TCF3: variants seen among roughly 807,000 people sequenced by gnomAD.
TCF3 encodes the protein transcription factor E2-alpha.
A neutral mutation model predicts 72.3 loss-of-function variants in TCF3; 54 were observed. That is an observed-to-expected ratio of 0.75 (90% CI 0.60 to 0.94). The LOEUF (loss-of-function observed/expected upper bound fraction) is 0.94, where lower values mean the gene tolerates loss of function less well. Ranked by LOEUF, TCF3 falls within the 40% of genes least tolerant of loss-of-function variation. The probability of loss-of-function intolerance (pLI) is 0.00; values close to 1 mark genes in which losing one functional copy is unlikely to be tolerated. For synonymous variants in TCF3, 525 were observed against 412.6 expected, an observed-to-expected ratio of 1.27 and a Z score of -3.30; for missense variants, 1,078 against 934.4, an observed-to-expected ratio of 1.15 and a Z score of -2.00.
At chr19:1,633,598 A>G (rs185137563) in intron 3 of TCF3, among the ~76,000 whole-genome samples, 6 of 152,312 alleles carry the variant, frequency 3.9e-5, no homozygotes, top group Admixed American at 2.0e-4. Flanking sequence ...AATTATGCAT[A>G]TTAATCTCCA....
chr19:1,630,009 A>G (rs754603029), intron 5 of TCF3, among the ~76,000 whole-genome samples: 3 of 152,078 alleles, frequency 2.0e-5, no homozygotes, highest in Non-Finnish European at 2.9e-5. Flanking sequence ...GTTATGGCAA[A>G]AGCCCCCCGT....
At chr19:1,643,924 C>A (rs1312998273) in intron 3 of TCF3, among the ~76,000 whole-genome samples, 1 of 152,172 alleles carries the variant, frequency 6.6e-6, no homozygotes, top group Non-Finnish European at 1.5e-5. Context: ...GGCTGGGGTA[C>A]CCCATCAGCC....
intron 3 of TCF3, among the ~76,000 whole-genome samples, chr19:1,634,437 G>A (rs1203857697): frequency 1.3e-5 from 2 of 152,214 alleles, no homozygotes; most frequent in South Asian, 2.1e-4. Flanking sequence ...GCGAGTGGAC[G>A]GCGCAGGGGC....
At position 1,648,372 on chromosome 19, in the gene TCF3, G is replaced by A. The variant is rs566572207; in HGVS notation, c.72+1805C>T. On this transcript the variant is annotated intron_variant, in intron 2 of 18. Transcript: ENST00000262965. Reference sequence around the variant, plus strand: ...AGCCCGAGGGGGGACGCCCGGAGAGGACGGGCACCTCGCCGCTCCCAGCCT... The same window carrying A: ...AGCCCGAGGGGGGACGCCCGGAGAGAACGGGCACCTCGCCGCTCCCAGCCT... Among the ~76,000 whole-genome samples the A allele has an allele frequency of 6.6e-5, 10 of 152,290 alleles. No individual in the cohort carries two copies. The East Asian group carries it at 1.9e-3, about 29-fold the overall frequency.
chr19:1,630,910 C>A (rs1235027246), intron 5 of TCF3, among the ~76,000 whole-genome samples: 1 of 152,222 alleles, frequency 6.6e-6, no homozygotes, highest in Non-Finnish European at 1.5e-5. Flanking sequence ...CTGTGTCACC[C>A]GCAGGAGGGA....
Position 1,619,200 on chromosome 19 carries a change from C to T in TCF3, c.1361G>A (p.Gly454Asp), listed in dbSNP as rs766026519. 7.4e-5 allele frequency: 119 copies of T among 1,599,166 alleles called. No homozygotes were observed. In the East Asian group the frequency reaches 2.5e-3, roughly 33 times the overall value. Residue 454 changes from glycine to aspartate, a missense_variant, in exon 16 of 19, where the codon GGC becomes GAC. Gly to Asp is a moderately conservative substitution (Grantham distance 94, BLOSUM62 -1). Coordinates refer to ENST00000262965, the MANE Select transcript of TCF3 (RefSeq NM_003200.5). The part of the protein sequence containing the change: ...GGSHPEDGLA[G>D]STSLMHNHAA... ...GTGGTTGTGCATGAGGCTGGTGCTGCCTGCGAGGCCGTCCTCGGGGTGGCT... is the reference window on the plus strand; with the variant it reads ...GTGGTTGTGCATGAGGCTGGTGCTGTCTGCGAGGCCGTCCTCGGGGTGGCT...
rs937129633 is a variant in TCF3, at chr19:1,614,513, C to T, written c.1822+772G>A. Among the ~76,000 whole-genome samples the T allele has an allele frequency of 6.6e-6, 1 of 151,914 alleles. No individual in the cohort carries two copies. The highest frequency in any genetic ancestry group is 1.5e-5 in the Non-Finnish European group (1 of 67,946). ...ACAGCAGAGAGGCGGGCTTGGGGGG[C>T]GCGAGGCGTGCCACACACGGCTGCA... On this transcript the variant is annotated intron_variant, in intron 18 of 18. Transcript: ENST00000262965. This position sits in a 1 kb window ranked among gnomAD's most constrained non-coding sequence, Gnocchi z 5.6.
intron 1 of TCF3, chr19:1,651,265 A>G: frequency 4.4e-6 from 1 of 227,952 alleles, no homozygotes; most frequent in Non-Finnish European, 8.7e-6. Context: ...GGACGGGGGC[A>G]GCCCGGGAGA....
intron 3 of TCF3, among the ~76,000 whole-genome samples, chr19:1,642,950 C>T (rs532871899): frequency 2.3e-4 from 35 of 152,262 alleles, no homozygotes; most frequent in African/African-American, 7.9e-4. Flanking sequence ...TACAATCGCA[C>T]GGACAGAGAA....
In TCF3 at chr19:1,625,649, G is replaced by A. The variant is rs113226336; in HGVS notation, c.426C>T (p.Gly142=). The change falls in exon 7 of 19, where the codon GGC becomes GGT. Residue 142 remains glycine (G), a synonymous_variant. Coordinates refer to ENST00000262965, the MANE Select transcript of TCF3 (RefSeq NM_003200.5). ...GGTAGTACTGGGAGGTCCCCTTCAT[G>A]CCCGAAGGGGACAGGGGCCCGGGGC... ...LNSPGPLSPS[G]MKGTSQYYPS... 18 of 1,543,772 alleles carry A rather than the reference G, an allele frequency of 1.2e-5. No individual in the cohort carries two copies. In the African/African-American group the frequency reaches 1.9e-4, roughly 16 times the overall value.
intron 3 of TCF3, among the ~76,000 whole-genome samples, chr19:1,638,212 C>T (rs1599929298): frequency 6.6e-6 from 1 of 152,252 alleles, no homozygotes; most frequent in South Asian, 2.1e-4. Context: ...GCAGTGGCTA[C>T]ATTACCCCTA....
intron 1 of TCF3, chr19:1,650,594 G>A (rs529002916): frequency 6.7e-6 from 2 of 300,088 alleles, no homozygotes; most frequent in Non-Finnish European, 1.2e-5. Context: ...AAGTTGCCAA[G>A]TTTAAACTGC....
chr19:1,640,909 GA>G (rs2065144082), intron 3 of TCF3, among the ~76,000 whole-genome samples: 1 of 152,210 alleles, frequency 6.6e-6, no homozygotes, highest in Non-Finnish European at 1.5e-5. Context: ...AGCACTTTGG[GA>G]GGCCGAGGTG....
Position 1,622,430 on chromosome 19 carries a change from G to C in TCF3, c.550-15C>G. 3.0e-6 allele frequency: 4 copies of C among 1,316,328 alleles called. No individual in the cohort carries two copies. The highest frequency in any genetic ancestry group is 4.1e-6 in the Non-Finnish European group (4 of 981,310). 81.5% of individuals were successfully genotyped at this position (1,316,328 alleles called of 1,614,324 possible). A position where few individuals can be genotyped will look rare whatever the true frequency, so the allele number is the denominator to read the frequency against. ...GGTGGGTACACCTGCGGGCGGGTGGGCGGTGGGGGGTGCAGTCAGGACGGA... is the reference window on the plus strand; with the variant it reads ...GGTGGGTACACCTGCGGGCGGGTGGCCGGTGGGGGGTGCAGTCAGGACGGA... On this transcript the variant is annotated splice_polypyrimidine_tract_variant and intron_variant, in intron 8 of 18. Transcript: ENST00000262965.
At chr19:1,634,436 C>T (rs866733554) in intron 3 of TCF3, among the ~76,000 whole-genome samples, 5 of 152,318 alleles carry the variant, frequency 3.3e-5, no homozygotes, top group South Asian at 4.1e-4. Context: ...TGCGAGTGGA[C>T]GGCGCAGGGG....
At chr19:1,640,864 G>A (rs1438861309) in intron 3 of TCF3, among the ~76,000 whole-genome samples, 4 of 150,204 alleles carry the variant, frequency 2.7e-5, no homozygotes, top group African/African-American at 9.8e-5. Flanking sequence ...AAGTTAATGA[G>A]GCGGCCAGGC....
Position 1,622,165 on chromosome 19 carries a change from C to A in TCF3, c.711G>T (p.Gly237=). ...LWSPPGQAGF[G]PMLGGGSSPL... ...GGGATGAGCCCCCACCCAGCATGGG[C>A]CCGAAGCCCGCCTGGCCCGGGGGAC... The change falls in exon 10 of 19, where the codon GGG becomes GGT. Residue 237 remains glycine, a synonymous_variant. Transcript: ENST00000262965. 1.9e-6 allele frequency: 3 copies of A among 1,573,780 alleles called. No individual in the cohort carries two copies. Among genetic ancestry groups the A allele is most frequent in the Non-Finnish European group, 2.6e-6 (3 of 1,162,224 alleles).
At chr19:1,647,253 C>G (rs909428852) in intron 2 of TCF3, among the ~76,000 whole-genome samples, 4 of 152,218 alleles carry the variant, frequency 2.6e-5, no homozygotes, top group African/African-American at 9.6e-5. Flanking sequence ...GCAACAAACC[C>G]TTTTGCCACA....
In TCF3 at chr19:1,610,074, C is replaced by A. The variant is rs938221856; in HGVS notation, c.*1633G>T. The A allele has an allele frequency of 4.3e-6, 1 of 232,802 alleles. No individual in the cohort carries two copies. The allele number at this position is 232,802 out of a possible 1,614,324, so 14.4% of individuals were successfully genotyped here. A position where few individuals can be genotyped will look rare whatever the true frequency, so the allele number is the denominator to read the frequency against. ...AGGGTAGGAGACTTGCAGTTTTAAACCCAAGACAGTCCCCAGCCAGCTGGG... is the reference window on the plus strand; with the variant it reads ...AGGGTAGGAGACTTGCAGTTTTAAAACCAAGACAGTCCCCAGCCAGCTGGG... On this transcript the variant is annotated 3_prime_UTR_variant, in exon 19 of 19. Coordinates refer to ENST00000262965, the MANE Select transcript of TCF3 (RefSeq NM_003200.5).
Sources: allele counts gnomAD v4.1 joint callset (sites outside exome capture counted in the v4.1 genomes callset), GRCh38; gene constraint gnomAD v4.1.1; non-coding constraint Gnocchi (gnomAD v3.1); transcripts MANE v1.5; gene names NCBI Gene and HGNC (gene_info 2026-07-23, HGNC 2026-07-21).